The following KIF18B variants were observed in gnomAD, a reference collection of about 807,000 sequenced individuals.
KIF18B encodes kinesin-like protein KIF18B.
KIF18B carries 49 observed loss-of-function variants against 80.9 expected under a neutral mutation model. That is an observed-to-expected ratio of 0.61 (90% CI 0.48 to 0.77). KIF18B has a LOEUF of 0.77. Among genes scored for constraint, KIF18B ranks in the 30% least tolerant of loss-of-function variants. KIF18B has a pLI of 0.00. For missense variants in KIF18B, 994 were observed against 1,127.7 expected, an observed-to-expected ratio of 0.88 and a Z score of 1.70; for synonymous variants, 439 against 463.9, an observed-to-expected ratio of 0.95 and a Z score of 0.69.
intron 1 of KIF18B, among the ~76,000 whole-genome samples, chr17:44,944,464 T>C (rs1205669107): frequency 6.6e-6 from 1 of 152,094 alleles, no homozygotes; most frequent in Non-Finnish European, 1.5e-5. Flanking sequence ...GCTGGTCTCA[T>C]ACTCATGACC....
chr17:44,939,419 C>T (rs968804729), intron 1 of KIF18B, among the ~76,000 whole-genome samples: 1 of 136,748 alleles, frequency 7.3e-6, no homozygotes, highest in Non-Finnish European at 1.6e-5. Context: ...TCTGGACTTT[C>T]TCTTCTGTTT....
Position 44,928,384 on chromosome 17 carries a change from G to A in KIF18B, c.1918C>T (p.Pro640Ser). ...TTGGTGCCCCGCTTTGGGGCCATGG[G>A]ACTGTCTGCCTCCAAGGCGCTTGGT... ...RRPSALEADS[P>S]MAPKRGTKRQ... Residue 640 changes from proline (P) to serine (S), a missense_variant, in exon 13 of 16, where the codon CCC (proline) becomes TCC (serine). By Grantham distance (74) the Pro-to-Ser change is moderately conservative. Coordinates refer to ENST00000593135, the MANE Select transcript of KIF18B (RefSeq NM_001265577.2). 6.3e-7 allele frequency: 1 copy of A among 1,577,106 alleles called. No individual in the cohort carries two copies. Among genetic ancestry groups the A allele is most frequent in the Middle Eastern group, 1.7e-4 (1 of 6,026 alleles).
In KIF18B at chr17:44,931,629, C is replaced by A. The variant is rs771114621; in HGVS notation, c.1490G>T (p.Arg497Leu). The change falls in exon 11 of 16, where the codon CGG becomes CTG. Residue 497 changes from arginine to leucine, a missense_variant. By Grantham distance (102) the Arg-to-Leu change is moderately radical (BLOSUM62 -2). Coordinates refer to ENST00000593135, the MANE Select transcript of KIF18B (RefSeq NM_001265577.2). ...CTTAGAACGGTCCCCATCCAGTTCC[C>A]GTGCTGAGAAGTGGCCCACGACTGG... ...PKPVVGHFSARELDGDRSKQL... is the reference protein window; with the variant it reads ...PKPVVGHFSALELDGDRSKQL... The A allele has an allele frequency of 1.2e-6, 2 of 1,613,942 alleles. No individual in the cohort carries two copies. Among genetic ancestry groups the A allele is most frequent in the South Asian group, 2.2e-5 (2 of 91,086 alleles).
chr17:44,935,218 G>A (rs761128899), intron 3 of KIF18B, 41 bp downstream of exon 3: 21 of 1,541,282 alleles, frequency 1.4e-5, no homozygotes, highest in South Asian at 5.0e-5. Context: ...ACTTCCCCCC[G>A]GGTGGTTGTG....
At chr17:44,938,015 CACATAT>C (rs948095041) in intron 1 of KIF18B, among the ~76,000 whole-genome samples, 6 of 131,008 alleles carry the variant, frequency 4.6e-5, no homozygotes, top group Middle Eastern at 4.4e-3. Context: ...CACACACACA[CACATAT>C]ATATTTTTTT....
intron 11 of KIF18B, among the ~76,000 whole-genome samples, chr17:44,931,078 C>T (rs74732746): frequency 0.04 from 6,123 of 152,196 alleles, 185 homozygotes; most frequent in East Asian, 0.13. Context: ...AAAATATTAG[C>T]AGCATCTTTC....
chr17:44,944,850 A>G (rs1029644207), intron 1 of KIF18B, among the ~76,000 whole-genome samples: 8 of 152,180 alleles, frequency 5.3e-5, no homozygotes, highest in African/African-American at 1.9e-4. Context: ...GGGCATTGTC[A>G]AAAAGAATGT....
At chr17:44,926,922 C>T (rs2052041132) in intron 14 of KIF18B, 67 bp downstream of exon 14, 4 of 1,384,968 alleles carry the variant, frequency 2.9e-6, no homozygotes. Flanking sequence ...AGAGTCGGCC[C>T]AGGTGTCTAC....
chr17:44,936,611 TATATATATATATA>T (rs1230700289), intron 1 of KIF18B, among the ~76,000 whole-genome samples: 2 of 87,046 alleles, frequency 2.3e-5, no homozygotes, highest in African/African-American at 8.5e-5. Flanking sequence ...TATATATATA[TATATATATATATA>T]TTTTTTTTTT....
At chr17:44,935,990 C>A in intron 2 of KIF18B, 42 bp downstream of exon 2, 1 of 1,564,162 alleles carries the variant, frequency 6.4e-7, no homozygotes, top group Non-Finnish European at 8.8e-7. Context: ...TAGGAGGAGG[C>A]AGGGAGGCCA....
intron 1 of KIF18B, among the ~76,000 whole-genome samples, chr17:44,939,503 C>T (rs1468815361): frequency 2.0e-5 from 3 of 150,286 alleles, no homozygotes; most frequent in African/African-American, 7.3e-5. Flanking sequence ...CCTCATTGCT[C>T]TTTTTCTTGG....
chr17:44,945,733 C>T (rs1314764826), intron 1 of KIF18B, among the ~76,000 whole-genome samples: 6 of 151,276 alleles, frequency 4.0e-5, no homozygotes, highest in Non-Finnish European at 7.4e-5. Flanking sequence ...GGTGAAACCC[C>T]ATCCCGACTA....
chr17:44,932,601 T>C, intron 9 of KIF18B, 72 bp downstream of exon 9: 2 of 862,070 alleles, frequency 2.3e-6, no homozygotes, highest in Admixed American at 3.5e-5. Flanking sequence ...CTCCAGAAAC[T>C]GGAGAAGAGG....
intron 1 of KIF18B, 40 bp from the exon 2 acceptor site, chr17:44,936,398 C>T (rs772860699): frequency 1.3e-6 from 2 of 1,528,738 alleles, no homozygotes; most frequent in Non-Finnish European, 8.8e-7. Flanking sequence ...AATCCCACCC[C>T]AGGCCTGACC....
rs1386113269 is a variant in KIF18B at position 44,939,809 on chromosome 17, C to T, written c.-14-3451G>A. Among the ~76,000 whole-genome samples, 3 of 151,852 alleles carry T rather than the reference C, an allele frequency of 2.0e-5. No homozygotes were observed. In the East Asian group the frequency reaches 5.8e-4, roughly 29 times the overall value. Reference sequence around the variant, plus strand: ...TCTTTGCTATATTATGAATAGGCTCCTTATTTTATTTTTATTTTTTTTTTA... The same window carrying T: ...TCTTTGCTATATTATGAATAGGCTCTTTATTTTATTTTTATTTTTTTTTTA... On this transcript the variant is annotated intron_variant, in intron 1 of 15. Transcript: ENST00000593135.
intron 1 of KIF18B, among the ~76,000 whole-genome samples, chr17:44,940,920 T>C (rs1233359258): frequency 1.3e-5 from 2 of 152,242 alleles, no homozygotes; most frequent in Non-Finnish European, 2.9e-5. Flanking sequence ...TTTACATGTA[T>C]GTAATTCTAT....
chr17:44,929,134 C>G, intron 11 of KIF18B, 110 bp from the exon 12 acceptor site: 1 of 929,744 alleles, frequency 1.1e-6, no homozygotes, highest in Non-Finnish European at 1.7e-6. Context: ...GGAGTCTGAA[C>G]TGGTCCCCTG....
intron 1 of KIF18B, among the ~76,000 whole-genome samples, chr17:44,946,131 CAATACTCTG>C (rs2052509175): frequency 1.5e-4 from 23 of 151,344 alleles, no homozygotes; most frequent in Non-Finnish European, 1.6e-4. Flanking sequence ...ATGTTTTATA[CAATACTCTG>C]ATAATTGTTT....
intron 11 of KIF18B, among the ~76,000 whole-genome samples, chr17:44,930,585 G>A (rs1421301038): frequency 6.6e-6 from 1 of 152,160 alleles, no homozygotes; most frequent in Non-Finnish European, 1.5e-5. Flanking sequence ...ATGGAGATTT[G>A]TCACATTTTA....
Sources: gnomAD v4.1 joint callset for allele counts (sites outside exome capture counted in the v4.1 genomes callset) on GRCh38, gnomAD v4.1.1 for gene constraint, MANE v1.5 for transcripts, NCBI Gene and HGNC (gene_info 2026-07-23, HGNC 2026-07-21) for gene names.